Variants in TEAD1 observed in about 807,000 individuals in gnomAD.
TEAD1 encodes TEA domain transcription factor 1, also known as transcriptional enhancer factor TEF-1.
A neutral mutation model predicts 54.9 loss-of-function variants in TEAD1; 9 were observed. The ratio of observed to expected loss-of-function variants is 0.16; its 90% CI spans 0.10 to 0.29. TEAD1 has a LOEUF of 0.29. Ranked by LOEUF, TEAD1 falls within the 10% of genes least tolerant of loss-of-function variation. TEAD1 has a pLI of 1.00. For missense variants in TEAD1, 387 were observed against 535.9 expected (o/e 0.72, Z 2.74); for synonymous variants, 200 against 187.8 (o/e 1.07, Z -0.53).
chr11:12,705,497 C>G (rs1703880219), intron 2 of TEAD1, among the ~76,000 whole-genome samples: 1 of 152,142 alleles, frequency 6.6e-6, no homozygotes, highest in South Asian at 2.1e-4. Context: ...TGGCACCTGT[C>G]ACCATTCTGC....
intron 10 of TEAD1, among the ~76,000 whole-genome samples, chr11:12,907,928 A>G (rs1450919008): frequency 1.3e-5 from 2 of 152,202 alleles, no homozygotes; most frequent in Admixed American, 1.3e-4. Context: ...ATGGAAGCTA[A>G]TGGTGATTGC....
At chr11:12,831,704 G>T (rs1045966990) in intron 3 of TEAD1, among the ~76,000 whole-genome samples, 3 of 151,726 alleles carry the variant, frequency 2.0e-5, no homozygotes, top group Non-Finnish European at 4.4e-5. Flanking sequence ...ACTTGAGCCT[G>T]GGTGGCAGAG....
intron 2 of TEAD1, among the ~76,000 whole-genome samples, chr11:12,737,535 G>A (rs1447451946): frequency 2.6e-5 from 4 of 152,114 alleles, no homozygotes; most frequent in East Asian, 3.9e-4. Flanking sequence ...GAGCTGTTCC[G>A]CATTGGGTTT....
chr11:12,924,671 A>C (rs1416802101), intron 10 of TEAD1, among the ~76,000 whole-genome samples: 1 of 152,196 alleles, frequency 6.6e-6, no homozygotes. Flanking sequence ...CTGATACTGA[A>C]TGCAAGAAAG....
chr11:12,737,492 A>G (rs1449420145), intron 2 of TEAD1, among the ~76,000 whole-genome samples: 1 of 152,186 alleles, frequency 6.6e-6, no homozygotes, highest in African/African-American at 2.4e-5. Flanking sequence ...TCTACTTACA[A>G]CTGTCCCTTG....
At chr11:12,882,414 C>T (rs1017927878) in intron 8 of TEAD1, among the ~76,000 whole-genome samples, 18 of 152,228 alleles carry the variant, frequency 1.2e-4, no homozygotes, top group African/African-American at 4.3e-4. Context: ...CTACCTGTCT[C>T]CTTCCCCACA....
intron 9 of TEAD1, among the ~76,000 whole-genome samples, chr11:12,886,463 T>C (rs1948088748): frequency 6.6e-6 from 1 of 152,218 alleles, no homozygotes; most frequent in Non-Finnish European, 1.5e-5. Context: ...AGAATTTATT[T>C]AACAAGTATT....
chr11:12,882,950 G>T, intron 8 of TEAD1, 51 bp from the exon 9 acceptor site: 2 of 1,613,998 alleles, frequency 1.2e-6, no homozygotes, highest in Non-Finnish European at 1.7e-6. Flanking sequence ...TTTGCCTGAG[G>T]CCCAAGGGGA....
At chr11:12,854,023 A>T in intron 3 of TEAD1, among the ~76,000 whole-genome samples, 1 of 152,212 alleles carries the variant, frequency 6.6e-6, no homozygotes, top group East Asian at 1.9e-4. Context: ...GAAGGCCGTC[A>T]GTCCTTTGGT....
intron 4 of TEAD1, 59 bp from the exon 5 acceptor site, chr11:12,864,779 T>A: frequency 6.2e-7 from 1 of 1,613,586 alleles, no homozygotes; most frequent in Non-Finnish European, 8.5e-7. Flanking sequence ...TGTAGGGGGC[T>A]TTTCATCTCC....
At chr11:12,773,921 A>G (rs946266685) in intron 3 of TEAD1, among the ~76,000 whole-genome samples, 2 of 152,184 alleles carry the variant, frequency 1.3e-5, no homozygotes, top group African/African-American at 4.8e-5. Context: ...TTATAGTTGT[A>G]TGTTTTAAAT....
intron 2 of TEAD1, among the ~76,000 whole-genome samples, chr11:12,680,564 C>T (rs1211983287): frequency 6.6e-6 from 1 of 152,360 alleles, no homozygotes; most frequent in African/African-American, 2.4e-5. Context: ...CTCGCCCTCC[C>T]CCACTGGGCA....
chr11:12,728,243 T>G (rs530700866), intron 2 of TEAD1, among the ~76,000 whole-genome samples: 1 of 152,304 alleles, frequency 6.6e-6, no homozygotes, highest in Admixed American at 6.5e-5. Flanking sequence ...TGGAGTGCAC[T>G]CTGTTGTGAT....
At chr11:12,915,394 G>A (rs971025084) in intron 10 of TEAD1, among the ~76,000 whole-genome samples, 3 of 152,126 alleles carry the variant, frequency 2.0e-5, no homozygotes, top group Admixed American at 6.5e-5. Context: ...GATCCACTCT[G>A]TCCCCTGGCC....
intron 3 of TEAD1, among the ~76,000 whole-genome samples, chr11:12,818,777 A>G (rs1449480714): frequency 6.6e-6 from 1 of 152,256 alleles, no homozygotes; most frequent in Admixed American, 6.5e-5. Context: ...GATGCAATTT[A>G]TAATTGCACC....
chr11:12,711,862 T>G (rs1313783882), intron 2 of TEAD1, among the ~76,000 whole-genome samples: 4 of 152,178 alleles, frequency 2.6e-5, no homozygotes, highest in African/African-American at 9.7e-5. Flanking sequence ...ACAAAGTCAC[T>G]GTCCTGATTG....
At chr11:12,775,911 G>A (rs965704317) in intron 3 of TEAD1, among the ~76,000 whole-genome samples, 2 of 152,070 alleles carry the variant, frequency 1.3e-5, no homozygotes, top group Non-Finnish European at 2.9e-5. Flanking sequence ...GTGGAAAATA[G>A]CAAGAGTTAG....
chr11:12,791,023 C>T (rs961070829), intron 3 of TEAD1, among the ~76,000 whole-genome samples: 5 of 152,218 alleles, frequency 3.3e-5, no homozygotes, highest in Non-Finnish European at 7.3e-5. Context: ...AAACATATGT[C>T]CACGCAAAGA....
At chr11:12,757,060 A>G (rs1453506730) in intron 2 of TEAD1, among the ~76,000 whole-genome samples, 1 of 152,214 alleles carries the variant, frequency 6.6e-6, no homozygotes, top group Admixed American at 6.5e-5. Context: ...GTTGTCCACT[A>G]TAAATACCAT....
Sources: gnomAD v4.1 joint callset for allele counts (sites outside exome capture counted in the v4.1 genomes callset) on GRCh38, gnomAD v4.1.1 for gene constraint, MANE v1.5 for transcripts, NCBI Gene and HGNC (gene_info 2026-07-23, HGNC 2026-07-21) for gene names.